Variants in EXTL3 observed in about 807,000 individuals in gnomAD.
EXTL3 encodes the protein exostosin like glycosyltransferase 3.
In EXTL3, 27 loss-of-function variants were observed where a neutral mutation model predicts 69.3. That is an observed-to-expected ratio of 0.39 (90% CI 0.29 to 0.54). EXTL3 has a LOEUF of 0.54. Among genes scored for constraint, EXTL3 ranks in the 20% least tolerant of loss-of-function variants. The pLI is 0.69. For missense variants in EXTL3, 1,003 were observed against 1,231.8 expected (o/e 0.81, Z 2.78); for synonymous variants, 511 against 499.4 (o/e 1.02, Z -0.31).
intron 4 of EXTL3, among the ~76,000 whole-genome samples, chr8:28,733,267 G>A (rs1801577183): frequency 6.6e-6 from 1 of 152,048 alleles, no homozygotes; most frequent in Non-Finnish European, 1.5e-5. Context: ...CACCAGCAGT[G>A]TATGAAGGTT....
chr8:28,680,378 T>G lies in EXTL3; in HGVS notation c.-52-33079T>G, dbSNP rs568887999. Among the ~76,000 whole-genome samples the G allele has an allele frequency of 4.0e-5, 4 of 99,756 alleles. No homozygotes were observed. The East Asian group carries it at 1.1e-3, about 27-fold the overall frequency. The allele number at this position is 99,756 out of a possible 152,430, so 65.4% of individuals were successfully genotyped here. On this transcript the variant is annotated intron_variant, in intron 1 of 6. Coordinates refer to the EXTL3 transcript ENST00000523149. ...GCACTCCAGCCTGGGCAACACAGAC[T>G]CTGTCTCAAAAAAAAAAAAAAAAAA... is the stretch of plus-strand genomic sequence containing the variant.
intron 3 of EXTL3, among the ~76,000 whole-genome samples, chr8:28,720,875 A>G (rs1412744487): frequency 1.3e-5 from 2 of 152,236 alleles, no homozygotes; most frequent in South Asian, 2.1e-4. Flanking sequence ...ATGAAAGCCA[A>G]CTAGAGAGTA....
At chr8:28,736,502 A>C (rs1801654809) in intron 4 of EXTL3, among the ~76,000 whole-genome samples, 1 of 152,222 alleles carries the variant, frequency 6.6e-6, no homozygotes, top group African/African-American at 2.4e-5. Context: ...GATGATATAG[A>C]AGTTTCTACT....
chr8:28,651,690 G>T (rs978216847), intron 1 of EXTL3, among the ~76,000 whole-genome samples: 2 of 152,118 alleles, frequency 1.3e-5, no homozygotes, highest in Admixed American at 6.6e-5. Flanking sequence ...CTTAAAAAAT[G>T]TGTTGAAATA....
At chr8:28,619,266 T>TAAAAAAAAA (rs755355444), upstream of EXTL3, among the ~76,000 whole-genome samples, 38 of 64,650 alleles carry the variant, frequency 5.9e-4, 4 homozygotes, top group Admixed American at 1.1e-3. Context: ...AGCTTAGTGA[T>TAAAAAAAAA]AAAAAAAAAA....
At chr8:28,730,559 T>A (rs770720450) in intron 3 of EXTL3, among the ~76,000 whole-genome samples, 7 of 151,940 alleles carry the variant, frequency 4.6e-5, no homozygotes, top group Admixed American at 6.6e-5. Flanking sequence ...CAGTTTCTGT[T>A]TTATGAAGGA....
chr8:28,647,067 T>A (rs1165592759), intron 1 of EXTL3, among the ~76,000 whole-genome samples: 1 of 151,876 alleles, frequency 6.6e-6, no homozygotes, highest in Non-Finnish European at 1.5e-5. Context: ...TGTATTCTAA[T>A]CCACGGCTGT....
At chr8:28,610,744 CT>C (rs35188606) in intron 2 of EXTL3, among the ~76,000 whole-genome samples, 402 of 138,016 alleles carry the variant, frequency 2.9e-3, no homozygotes, top group Middle Eastern at 0.012. Context: ...AGATCTGTTT[CT>C]TTTTTTTTTT....
intron 1 of EXTL3, among the ~76,000 whole-genome samples, chr8:28,652,736 T>C (rs1806947377): frequency 6.6e-6 from 1 of 152,102 alleles, no homozygotes; most frequent in East Asian, 1.9e-4. Context: ...CTCATTATGG[T>C]TTTCATTTGC....
intron 1 of EXTL3, among the ~76,000 whole-genome samples, chr8:28,691,098 A>G (rs932788058): frequency 4.6e-5 from 7 of 152,222 alleles, no homozygotes; most frequent in African/African-American, 1.7e-4. Flanking sequence ...ATAAAAAATA[A>G]CTGGGTAGGG....
intron 1 of EXTL3, among the ~76,000 whole-genome samples, chr8:28,653,618 C>G (rs1585233166): frequency 6.6e-6 from 1 of 152,258 alleles, no homozygotes; most frequent in Non-Finnish European, 1.5e-5. Flanking sequence ...TTGTTGAAAA[C>G]ACTCTCTTTT....
intron 1 of EXTL3, among the ~76,000 whole-genome samples, chr8:28,677,585 A>T (rs1377027683): frequency 6.6e-6 from 1 of 152,254 alleles, no homozygotes; most frequent in Non-Finnish European, 1.5e-5. Flanking sequence ...GCTGTTTGAC[A>T]GCTCCCCTGG....
intron 1 of EXTL3, among the ~76,000 whole-genome samples, chr8:28,636,960 C>A (rs1226589004): frequency 2.5e-5 from 3 of 119,978 alleles, no homozygotes; most frequent in Non-Finnish European, 3.2e-5. Flanking sequence ...CTAGCCTGGG[C>A]AACAGAGTGA....
chr8:28,722,796 AGAG>A (rs1801324962), intron 3 of EXTL3, among the ~76,000 whole-genome samples: 1 of 146,294 alleles, frequency 6.8e-6, no homozygotes. Flanking sequence ...AAAAAAAAAA[AGAG>A]AGATACAAGA....
chr8:28,620,385 G>A (rs763655458), upstream of EXTL3, among the ~76,000 whole-genome samples: 2 of 152,158 alleles, frequency 1.3e-5, no homozygotes, highest in Non-Finnish European at 2.9e-5. Context: ...GGCTCCTATG[G>A]AACTTGAACT....
At chr8:28,637,207 T>C (rs1257512729) in intron 1 of EXTL3, 3 of 152,238 alleles carry the variant, frequency 2.0e-5, no homozygotes, top group Non-Finnish European at 4.4e-5. Context: ...GAACAGGTTC[T>C]GGTAAAATGG....
chr8:28,619,111 A>C (rs1040296138), upstream of EXTL3, among the ~76,000 whole-genome samples: 6 of 139,636 alleles, frequency 4.3e-5, no homozygotes, highest in East Asian at 4.2e-4. Flanking sequence ...AAAAAAAAAA[A>C]AAAAACAGCA....
intron 1 of EXTL3, among the ~76,000 whole-genome samples, chr8:28,708,113 A>G (rs1800959493): frequency 6.6e-6 from 1 of 152,248 alleles, no homozygotes; most frequent in African/African-American, 2.4e-5. Context: ...AGCCCAAAGA[A>G]TAAATTGTTT....
intron 1 of EXTL3, among the ~76,000 whole-genome samples, chr8:28,640,182 A>G (rs1011382784): frequency 1.3e-5 from 2 of 152,224 alleles, no homozygotes; most frequent in African/African-American, 4.8e-5. Context: ...TTTGTGAAAT[A>G]TCCCCAATAT....
Sources: allele counts gnomAD v4.1 joint callset (sites outside exome capture counted in the v4.1 genomes callset), GRCh38; gene constraint gnomAD v4.1.1; transcripts MANE v1.5; gene names NCBI Gene and HGNC (gene_info 2026-07-23, HGNC 2026-07-21).